GASK1A: variants seen among roughly 807,000 people sequenced by gnomAD.
GASK1A encodes the protein golgi associated kinase 1A, also known as Golgi-associated kinase 1A.
Under a neutral mutation model 41.2 loss-of-function variants are expected in GASK1A, and 40 were observed. The observed-to-expected ratio is 0.97, with a 90% CI of 0.75 to 1.27. The LOEUF (loss-of-function observed/expected upper bound fraction) is 1.27, where lower values mean the gene tolerates loss of function less well. Among genes scored for constraint, GASK1A ranks in the 50% most tolerant of loss-of-function variants. GASK1A has a pLI of 0.00. For synonymous variants in GASK1A, 316 were observed against 307.1 expected (o/e 1.03, Z -0.30); for missense variants, 678 against 745.1 (o/e 0.91, Z 1.05).
intron 2 of GASK1A, among the ~76,000 whole-genome samples, chr3:43,040,392 T>C (rs2089630257): frequency 6.6e-6 from 1 of 152,226 alleles, no homozygotes; most frequent in South Asian, 2.1e-4. Context: ...TTATATTTTA[T>C]GTTAATAACT....
In GASK1A at chr3:42,979,762, G is replaced by A. The variant is rs2089272203; in HGVS notation, c.3+117G>A. 22 of 1,076,554 alleles carry A rather than the reference G, an allele frequency of 2.0e-5. No homozygotes were observed. The South Asian group carries it at 7.5e-4, about 37-fold the overall frequency. The allele number at this position is 1,076,554 out of a possible 1,614,324, so 66.7% of individuals were successfully genotyped here. A position where few individuals can be genotyped will look rare whatever the true frequency, so the allele number is the denominator to read the frequency against. The stretch of plus-strand genomic sequence containing the variant: ...GCAGCCTGCGCGGCCTCCCGAGGCC[G>A]GAGTTGTTCCCCGAAAGTTGCATGG... On this transcript the variant is annotated intron_variant, in intron 1 of 4. Coordinates refer to ENST00000430121, the MANE Select transcript of GASK1A (RefSeq NM_001129908.3).
chr3:43,000,162 G>C (rs76488455), intron 1 of GASK1A, among the ~76,000 whole-genome samples: 2 of 152,200 alleles, frequency 1.3e-5, no homozygotes, highest in African/African-American at 4.8e-5. Context: ...TGAGGACCAC[G>C]TGTTCTTACC....
At chr3:42,987,381 G>A (rs1014933145) in intron 1 of GASK1A, among the ~76,000 whole-genome samples, 3 of 152,198 alleles carry the variant, frequency 2.0e-5, no homozygotes, top group Non-Finnish European at 4.4e-5. Flanking sequence ...AGGAACGTGA[G>A]CTGGTACTGA....
chr3:43,053,617 G>C lies in GASK1A; in HGVS notation c.1387G>C (p.Ala463Pro), dbSNP rs1185503075. 4.5e-6 allele frequency: 7 copies of C among 1,551,710 alleles called. No homozygotes were observed. The highest frequency in any genetic ancestry group is 6.1e-6 in the Non-Finnish European group (7 of 1,146,992). Residue 463 changes from alanine to proline, a missense_variant, in exon 3 of 5, where the codon GCC (alanine) becomes CCC (proline). By Grantham distance (27) the Ala-to-Pro change is conservative. Transcript: ENST00000430121. ...GCTCCGAGAGAAATGCCAGAACCCA[G>C]CCGAGCTGCGGCTGGTCCACATCCT... The part of the protein sequence containing the change: ...ERLREKCQNP[A>P]ELRLVHILVR...
intron 1 of GASK1A, among the ~76,000 whole-genome samples, chr3:42,993,685 C>T (rs917776379): frequency 6.6e-6 from 1 of 152,104 alleles, no homozygotes; most frequent in Non-Finnish European, 1.5e-5. Context: ...CAGAAGCCCC[C>T]TTTGCCTAAA....
chr3:43,016,646 C>T (rs2125681576), intron 1 of GASK1A, among the ~76,000 whole-genome samples: 1 of 150,968 alleles, frequency 6.6e-6, no homozygotes, highest in Non-Finnish European at 1.5e-5. Flanking sequence ...TGGGAAGTCA[C>T]AGGAAGGGGA....
intron 2 of GASK1A, among the ~76,000 whole-genome samples, chr3:43,039,114 C>G (rs1240490106): frequency 2.0e-5 from 3 of 150,222 alleles, no homozygotes; most frequent in Non-Finnish European, 4.4e-5. Flanking sequence ...AAAATACTAT[C>G]CATATTCTTT....
intron 1 of GASK1A, among the ~76,000 whole-genome samples, chr3:43,003,190 T>C (rs2089418817): frequency 6.6e-6 from 1 of 152,118 alleles, no homozygotes; most frequent in South Asian, 2.1e-4. Context: ...GGAGACTAGA[T>C]GTGTTAAAAG....
chr3:43,028,614 C>G (rs2125685278), intron 1 of GASK1A, among the ~76,000 whole-genome samples: 1 of 152,176 alleles, frequency 6.6e-6, no homozygotes, highest in South Asian at 2.1e-4. Flanking sequence ...TAACCCCCCA[C>G]CCCATGGGAG....
Position 43,033,507 on chromosome 3 carries a change from A to G in GASK1A, c.1244A>G (p.His415Arg). ...WPGQAPCPGI[H>R]HTEWARLALF... The stretch of plus-strand genomic sequence containing the variant: ...GGCCAGGCCCCGTGCCCGGGCATCC[A>G]CCATACCGAGTGGGCACGCCTGGCG... Residue 415 changes from histidine (H) to arginine (R), a missense_variant, in exon 2 of 5, where the codon CAC becomes CGC. Coordinates refer to ENST00000430121, the MANE Select transcript of GASK1A (RefSeq NM_001129908.3). 1 of 1,548,594 alleles carries G rather than the reference A, an allele frequency of 6.5e-7. No individual in the cohort carries two copies.
chr3:42,993,462 A>G (rs917658438), intron 1 of GASK1A, among the ~76,000 whole-genome samples: 5 of 152,170 alleles, frequency 3.3e-5, no homozygotes, highest in African/African-American at 1.2e-4. Context: ...GGATTATATC[A>G]CACGTTTGTT....
At chr3:42,988,408 A>G (rs1376651369) in intron 1 of GASK1A, among the ~76,000 whole-genome samples, 9 of 152,176 alleles carry the variant, frequency 5.9e-5, no homozygotes, top group Non-Finnish European at 1.0e-4. Context: ...TCATGGTTCT[A>G]TAAGAGCCAG....
intron 4 of GASK1A, 34 bp downstream of exon 4, chr3:43,055,569 G>A (rs1487161081): frequency 8.9e-6 from 13 of 1,462,998 alleles, no homozygotes; most frequent in East Asian, 2.5e-5. Flanking sequence ...GAAGTTCATG[G>A]GACTGAGACC....
At chr3:42,997,442 G>T (rs1365431994) in intron 1 of GASK1A, among the ~76,000 whole-genome samples, 1 of 151,880 alleles carries the variant, frequency 6.6e-6, no homozygotes, top group South Asian at 2.1e-4. Flanking sequence ...GAGAGAGGGG[G>T]GGGGGATCTG....
chr3:43,009,247 TGTAA>T (rs1319959125), intron 1 of GASK1A, among the ~76,000 whole-genome samples: 1 of 152,102 alleles, frequency 6.6e-6, no homozygotes, highest in African/African-American at 2.4e-5. Flanking sequence ...CTGAAGTGAG[TGTAA>T]GTATTTGTTG....
At chr3:43,000,783 G>A (rs776837365) in intron 1 of GASK1A, among the ~76,000 whole-genome samples, 3 of 152,294 alleles carry the variant, frequency 2.0e-5, no homozygotes, top group African/African-American at 7.2e-5. Context: ...TTCAACACAC[G>A]GATGAGGTGA....
At chr3:43,029,547 A>G (rs2089564460) in intron 1 of GASK1A, among the ~76,000 whole-genome samples, 1 of 152,056 alleles carries the variant, frequency 6.6e-6, no homozygotes, top group South Asian at 2.1e-4. Flanking sequence ...CATCCAACCC[A>G]ACCCCTTGTA....
At chr3:43,036,216 T>C (rs1461500262) in intron 2 of GASK1A, among the ~76,000 whole-genome samples, 1 of 152,222 alleles carries the variant, frequency 6.6e-6, no homozygotes, top group Non-Finnish European at 1.5e-5. Flanking sequence ...ATGACTCGGC[T>C]GGGCTCATGC....
intron 1 of GASK1A, among the ~76,000 whole-genome samples, chr3:43,024,015 G>A (rs2089534429): frequency 6.6e-6 from 1 of 152,148 alleles, no homozygotes; most frequent in Non-Finnish European, 1.5e-5. Flanking sequence ...TCAATCGGGG[G>A]CCACGGGGAC....
Sources: gnomAD v4.1 joint callset for allele counts (sites outside exome capture counted in the v4.1 genomes callset) on GRCh38, gnomAD v4.1.1 for gene constraint, MANE v1.5 for transcripts, NCBI Gene and HGNC (gene_info 2026-07-23, HGNC 2026-07-21) for gene names.